The following NMBR variants were observed in gnomAD, a reference collection of about 807,000 sequenced individuals.
NMBR encodes neuromedin B receptor.
In NMBR, 16 loss-of-function variants were observed where a neutral mutation model predicts 20.5. That is an observed-to-expected ratio of 0.78 (90% CI 0.53 to 1.19). NMBR has a LOEUF of 1.19. NMBR is among the 50% of genes most tolerant of loss of function. The pLI is 0.00. For missense variants in NMBR, 582 were observed against 499.1 expected (o/e 1.17, Z -1.58); for synonymous variants, 212 against 196.6 (o/e 1.08, Z -0.65).
At chr6:142,119,308 T>C (rs1283411305) in intron 1 of NMBR, among the ~76,000 whole-genome samples, 1 of 151,968 alleles carries the variant, frequency 6.6e-6, no homozygotes, top group Non-Finnish European at 1.5e-5. Context: ...ATGGGACATA[T>C]GACTGGGTCA....
chr6:142,126,490 GT>G (rs1246321366), intron 1 of NMBR, among the ~76,000 whole-genome samples: 1 of 151,796 alleles, frequency 6.6e-6, no homozygotes, highest in Non-Finnish European at 1.5e-5. Flanking sequence ...TCTCCCTACT[GT>G]TTTCCTTAAT....
At chr6:142,088,191 C>A in intron 2 of NMBR, 46 bp downstream of exon 2, 1 of 1,581,052 alleles carries the variant, frequency 6.3e-7, no homozygotes, top group South Asian at 1.1e-5. Flanking sequence ...CTACTCGCCC[C>A]TCTCCACGAC....
intron 2 of NMBR, among the ~76,000 whole-genome samples, chr6:142,080,246 T>A (rs1171970028): frequency 2.0e-5 from 3 of 151,998 alleles, no homozygotes; most frequent in Non-Finnish European, 4.4e-5. Context: ...TTTTTATGTT[T>A]TCAAATTATT....
At chr6:142,133,255 T>C (rs1203791648) in intron 1 of NMBR, 1 of 590,538 alleles carries the variant, frequency 1.7e-6, no homozygotes, top group Non-Finnish European at 3.1e-6. Flanking sequence ...TATTTTACCC[T>C]GAATTGCATA....
chr6:142,126,757 A>ATTTTTTT (rs34631481), intron 1 of NMBR, among the ~76,000 whole-genome samples: 166 of 51,288 alleles, frequency 3.2e-3, no homozygotes, highest in East Asian at 7.0e-3. Context: ...TATTTGAGGG[A>ATTTTTTT]TTTTTTTTTT....
chr6:142,095,428 T>A (rs1359257534), intron 1 of NMBR, among the ~76,000 whole-genome samples: 2 of 152,216 alleles, frequency 1.3e-5, no homozygotes, highest in African/African-American at 4.8e-5. Flanking sequence ...TTTTTGTCAT[T>A]GGTTCTGTTT....
chr6:142,079,058 A>AAGAGAGAG (rs750980226), intron 2 of NMBR, among the ~76,000 whole-genome samples, 155 bp from the exon 3 acceptor site: 1 of 124,652 alleles, frequency 8.0e-6, no homozygotes, highest in African/African-American at 3.3e-5. Flanking sequence ...GAAAGAGAGA[A>AAGAGAGAG]AGAGAGAGAG....
rs73577751 is a variant in NMBR at position 142,120,447 on chromosome 6, G to A, written c.-664+26597C>T. 3.6e-3 allele frequency among the ~76,000 whole-genome samples: 548 copies of A among 151,982 alleles called. 4 individuals are homozygous for A. The highest frequency in any genetic ancestry group is 0.011 in the African/African-American group (473 of 41,506). ...GTTAGAATTTGCTAAGAGGAATATG[G>A]TACTATAGAGGTAGAAGCTAAACAG... On this transcript the variant is annotated intron_variant, in intron 1 of 3. Coordinates refer to ENST00000258042, the MANE Select transcript of NMBR (RefSeq NM_002511.4).
At chr6:142,125,852 TTGTGTGTGTGATAATTACCTGTGTG>T (rs1439698786) in intron 1 of NMBR, among the ~76,000 whole-genome samples, 121 of 151,862 alleles carry the variant, frequency 8.0e-4, no homozygotes, top group African/African-American at 2.8e-3. Context: ...ATAATTATCT[TTGTGTGTGTGATAATTACCTGTGTG>T]TGTGTGTGTG....
At chr6:142,105,181 G>A (rs780106229) in intron 1 of NMBR, among the ~76,000 whole-genome samples, 1 of 152,084 alleles carries the variant, frequency 6.6e-6, no homozygotes, top group Non-Finnish European at 1.5e-5. Flanking sequence ...GGTCAGTTAG[G>A]GTGGGGCAGG....
chr6:142,081,911 G>C (rs116154876), intron 2 of NMBR, among the ~76,000 whole-genome samples: 1 of 152,046 alleles, frequency 6.6e-6, no homozygotes. Context: ...CATATAAAGA[G>C]AAAAATAATC....
intron 1 of NMBR, among the ~76,000 whole-genome samples, chr6:142,127,985 G>GA (rs1444474568): frequency 9.2e-5 from 14 of 152,078 alleles, no homozygotes; most frequent in African/African-American, 3.4e-4. Flanking sequence ...GATATGGTTT[G>GA]AATTTGTGTT....
At position 142,075,760 on chromosome 6, in the gene NMBR, A is replaced by G. The variant is rs986233123; in HGVS notation, c.1061T>C (p.Leu354Pro). The G allele has an allele frequency of 2.5e-6, 4 of 1,613,966 alleles. No individual in the cohort carries two copies. In the African/African-American group the frequency reaches 5.3e-5, roughly 22 times the overall value. The change falls in exon 4 of 4, where the codon CTA (leucine) becomes CCA (proline). Residue 354 changes from leucine (L) to proline (P), a missense_variant. Transcript: ENST00000258042. ...KSYQERGTSY[L>P]LSSSAVRMTS... ...CATACGCACCGCTGAAGAGCTGAGT[A>G]GGTAGCTGGTTCCTCTCTCTTGATA...
chr6:142,145,719 C>T (rs149494778), intron 1 of NMBR, among the ~76,000 whole-genome samples: 3 of 152,210 alleles, frequency 2.0e-5, no homozygotes, highest in East Asian at 3.9e-4. Context: ...GGCTGAGTGC[C>T]TAGCTTGAAT....
chr6:142,086,371 A>G (rs1004353820), intron 2 of NMBR, among the ~76,000 whole-genome samples: 2 of 152,214 alleles, frequency 1.3e-5, no homozygotes, highest in Non-Finnish European at 2.9e-5. Context: ...CACATCCACA[A>G]GAAATCATAG....
At chr6:142,145,306 G>A (rs925470540) in intron 1 of NMBR, among the ~76,000 whole-genome samples, 1 of 152,086 alleles carries the variant, frequency 6.6e-6, no homozygotes, top group Non-Finnish European at 1.5e-5. Flanking sequence ...TCAGACATAA[G>A]ATGATGGAAT....
In NMBR at chr6:142,088,373, A is replaced by G. The variant is rs756384652; in HGVS notation, c.286T>C (p.Cys96Arg). Residue 96 changes from cysteine to arginine, a missense_variant, in exon 2 of 4, where the codon TGC becomes CGC. Physicochemically the swap from Cys to Arg is radical, Grantham distance 180 (BLOSUM62 -3). Coordinates refer to ENST00000258042, the MANE Select transcript of NMBR (RefSeq NM_002511.4). ...TAGCGCGAGGCGTCCACCGGGACGC[A>G]GGTGAGCAGCAGCAGCAAGTCCCCG... Reference protein sequence around the residue: ...AAGDLLLLLTCVPVDASRYFF... With the variant: ...AAGDLLLLLTRVPVDASRYFF... 6.2e-7 allele frequency: 1 copy of G among 1,614,162 alleles called. No individual in the cohort carries two copies. Among genetic ancestry groups the G allele is most frequent in the South Asian group, 1.1e-5 (1 of 91,078 alleles).
intron 1 of NMBR, among the ~76,000 whole-genome samples, chr6:142,116,842 C>G (rs1777864145): frequency 6.6e-6 from 1 of 151,886 alleles, no homozygotes; most frequent in South Asian, 2.1e-4. Context: ...AACAAATAAG[C>G]CATAATTATT....
At chr6:142,122,159 T>A (rs72987322) in intron 1 of NMBR, among the ~76,000 whole-genome samples, 5,462 of 152,050 alleles carry the variant, frequency 0.036, 132 homozygotes, top group Non-Finnish European at 0.057. Context: ...ATTTTGTCCA[T>A]GTTACTGACT....
Sources: allele counts gnomAD v4.1 joint callset (sites outside exome capture counted in the v4.1 genomes callset), GRCh38; gene constraint gnomAD v4.1.1; transcripts MANE v1.5; gene names NCBI Gene and HGNC (gene_info 2026-07-23, HGNC 2026-07-21).